The following SHANK2 variants were observed in gnomAD, a reference collection of about 807,000 sequenced individuals.
SHANK2 encodes the protein SH3 and multiple ankyrin repeat domains protein 2.
SHANK2 carries 43 observed loss-of-function variants against 133.7 expected under a neutral mutation model. The ratio of observed to expected loss-of-function variants is 0.32; its 90% CI spans 0.25 to 0.41. The LOEUF (loss-of-function observed/expected upper bound fraction) is 0.41, where lower values mean the gene tolerates loss of function less well. Ranked by LOEUF, SHANK2 falls within the 10% of genes least tolerant of loss-of-function variation. SHANK2 has a pLI of 1.00. For missense variants in SHANK2, 1,994 were observed against 2,235.8 expected, an observed-to-expected ratio of 0.89 and a Z score of 2.18; for synonymous variants, 1,017 against 952.8, an observed-to-expected ratio of 1.07 and a Z score of -1.24.
chr11:71,057,451 A>G (rs1950933930), intron 9 of SHANK2, among the ~76,000 whole-genome samples: 1 of 152,260 alleles, frequency 6.6e-6, no homozygotes, highest in African/African-American at 2.4e-5. Flanking sequence ...ATATTATAGA[A>G]AAGCAGGGAC....
chr11:70,632,379 C>G (rs2061005378), intron 17 of SHANK2, among the ~76,000 whole-genome samples: 1 of 152,046 alleles, frequency 6.6e-6, no homozygotes, highest in Admixed American at 6.5e-5. Flanking sequence ...CCCGCCTCAG[C>G]CTCCCAACTG....
chr11:71,132,975 CA>C (rs782653946), intron 3 of SHANK2, among the ~76,000 whole-genome samples: 4 of 152,176 alleles, frequency 2.6e-5, no homozygotes, highest in Non-Finnish European at 5.9e-5. Flanking sequence ...TTGGTCTTAG[CA>C]ACCAGTTAAT....
chr11:70,755,363 C>T lies in SHANK2; in HGVS notation c.1777+43080G>A, dbSNP rs11237381. Among the ~76,000 whole-genome samples the T allele has an allele frequency of 9.5e-4, 144 of 152,366 alleles. 2 individuals are homozygous for T. In the East Asian group the frequency reaches 0.025, roughly 27 times the overall value. ...CTGGGATTACAGGTGTGAGCCACTG[C>T]GCCCAGCGCGCAGGCAGCCTTCTTC... is the stretch of plus-strand genomic sequence containing the variant. On this transcript the variant is annotated intron_variant, in intron 14 of 25. Transcript: ENST00000601538.
chr11:70,626,316 C>T (rs1239554371), intron 17 of SHANK2, among the ~76,000 whole-genome samples: 4 of 152,206 alleles, frequency 2.6e-5, no homozygotes, highest in Non-Finnish European at 2.9e-5. Flanking sequence ...ATGAAACAAA[C>T]ATATCACCCA....
intron 11 of SHANK2, among the ~76,000 whole-genome samples, chr11:70,842,759 CA>C (rs1446756483): frequency 6.6e-6 from 1 of 152,172 alleles, no homozygotes; most frequent in African/African-American, 2.4e-5. Flanking sequence ...TGGAGGCTCC[CA>C]GGGGGGTGGG....
At chr11:70,833,356 T>C (rs1555059119) in intron 11 of SHANK2, among the ~76,000 whole-genome samples, 1 of 152,110 alleles carries the variant, frequency 6.6e-6, no homozygotes, top group African/African-American at 2.4e-5. Context: ...TCTGTCAGAG[T>C]CTTCTGCCTC....
At chr11:70,534,251 C>T (rs147321264) in intron 17 of SHANK2, among the ~76,000 whole-genome samples, 1,710 of 152,272 alleles carry the variant, frequency 0.011, 37 homozygotes, top group African/African-American at 0.039. Context: ...CACGTCCTTC[C>T]TCACATGGCG....
chr11:70,503,071 T>G, intron 17 of SHANK2, 140 bp from the exon 18 acceptor site: 1 of 946,432 alleles, frequency 1.1e-6, no homozygotes, highest in South Asian at 1.3e-5. Context: ...CGTCATCTTT[T>G]TGGAAGCAAA....
intron 3 of SHANK2, among the ~76,000 whole-genome samples, chr11:71,123,098 C>T (rs1555101854): frequency 1.3e-5 from 2 of 152,160 alleles, no homozygotes; most frequent in South Asian, 2.1e-4. Context: ...CGTGTTCACA[C>T]CAGCTCCCGG....
chr11:70,692,508 C>T (rs535763867), intron 15 of SHANK2, among the ~76,000 whole-genome samples: 1 of 152,306 alleles, frequency 6.6e-6, no homozygotes, highest in East Asian at 1.9e-4. Context: ...AGAGAGATAA[C>T]TTAGGACCGG....
At chr11:70,588,914 T>C (rs2060287547) in intron 17 of SHANK2, among the ~76,000 whole-genome samples, 1 of 152,094 alleles carries the variant, frequency 6.6e-6, no homozygotes, top group African/African-American at 2.4e-5. Flanking sequence ...GCCTCCCGGG[T>C]TCATGCCATT....
At chr11:70,641,884 C>A (rs1209937702) in intron 17 of SHANK2, among the ~76,000 whole-genome samples, 1 of 152,218 alleles carries the variant, frequency 6.6e-6, no homozygotes, top group African/African-American at 2.4e-5. Flanking sequence ...GGCAGGCAAG[C>A]CCCTGCCCCA....
intron 9 of SHANK2, among the ~76,000 whole-genome samples, chr11:71,063,158 C>G (rs1161965261): frequency 3.3e-5 from 5 of 152,130 alleles, no homozygotes; most frequent in African/African-American, 7.2e-5. Context: ...AGGACATGTA[C>G]TTCCTATAGA....
intron 1 of SHANK2, among the ~76,000 whole-genome samples, chr11:71,249,009 G>A (rs1010394646): frequency 9.2e-5 from 14 of 152,118 alleles, no homozygotes; most frequent in South Asian, 2.1e-4. Context: ...GATTATTCAC[G>A]CGGAAAGAAA....
chr11:70,562,593 T>C (rs1326659766), intron 17 of SHANK2, among the ~76,000 whole-genome samples: 1 of 152,226 alleles, frequency 6.6e-6, no homozygotes, highest in African/African-American at 2.4e-5. Flanking sequence ...CCAGTTTTCT[T>C]TGGATTAGTG....
intron 17 of SHANK2, among the ~76,000 whole-genome samples, chr11:70,617,838 T>C (rs1197405071): frequency 6.6e-6 from 1 of 151,532 alleles, no homozygotes; most frequent in Non-Finnish European, 1.5e-5. Context: ...GGGCCTGTTG[T>C]GGGGTCGGGG....
chr11:70,900,093 C>T (rs1163674993), intron 10 of SHANK2, among the ~76,000 whole-genome samples: 1 of 152,230 alleles, frequency 6.6e-6, no homozygotes, highest in Non-Finnish European at 1.5e-5. Context: ...CTGCGGCTCA[C>T]ACCTGTAATA....
intron 22 of SHANK2, among the ~76,000 whole-genome samples, chr11:70,491,777 C>T (rs549239039): frequency 2.6e-5 from 4 of 152,214 alleles, no homozygotes; most frequent in Non-Finnish European, 2.9e-5. Context: ...AGGCCCTTTT[C>T]CAGCTGTGTG....
chr11:71,066,858 G>C (rs1364481426), intron 9 of SHANK2, among the ~76,000 whole-genome samples: 1 of 152,136 alleles, frequency 6.6e-6, no homozygotes, highest in African/African-American at 2.4e-5. Context: ...CTGTAAGTAA[G>C]GGCCAGGGTA....
Sources: allele counts gnomAD v4.1 joint callset (sites outside exome capture counted in the v4.1 genomes callset), GRCh38; gene constraint gnomAD v4.1.1; transcripts MANE v1.5; gene names NCBI Gene and HGNC (gene_info 2026-07-23, HGNC 2026-07-21).